N4BP2: variants seen among roughly 807,000 people sequenced by gnomAD.
N4BP2 encodes NEDD4 binding protein 2.
N4BP2 carries 91 observed loss-of-function variants against 152.8 expected under a neutral mutation model. The ratio of observed to expected loss-of-function variants is 0.60; its 90% CI spans 0.50 to 0.71. The LOEUF is 0.71. N4BP2 is among the 30% of genes least tolerant of loss of function. The pLI is 0.00. For missense variants in N4BP2, 1,923 were observed against 2,059.1 expected (o/e 0.93, Z 1.28); for synonymous variants, 646 against 705.3 (o/e 0.92, Z 1.33).
chr4:40,094,934 C>T (rs1190276088), intron 2 of N4BP2, among the ~76,000 whole-genome samples: 1 of 151,992 alleles, frequency 6.6e-6, no homozygotes, highest in Non-Finnish European at 1.5e-5. Flanking sequence ...GCCGGGACTA[C>T]AGGTTAGTTC....
the N4BP2 span, among the ~76,000 whole-genome samples, chr4:40,180,510 A>T: frequency 1.3e-5 from 2 of 152,190 alleles, no homozygotes; most frequent in South Asian, 4.1e-4. Context: ...ATAAAAAAAA[A>T]ATCTACTCTG....
At position 40,102,264 on chromosome 4, in the gene N4BP2, A is replaced by G. The variant is rs769440498; in HGVS notation, c.419A>G (p.Glu140Gly). The change falls in exon 4 of 18, where the codon GAA (glutamate) becomes GGA (glycine). Residue 140 changes from glutamate (E) to glycine (G), a missense_variant. Coordinates refer to ENST00000261435, the MANE Select transcript of N4BP2 (RefSeq NM_018177.6). ...TCATTTTTGGACATGCAGCTAACTG[A>G]AGACCTGGATTCCTTAATACAGAAT... ...MDSFLDMQLT[E>G]DLDSLIQNAF... 5 of 1,613,818 alleles carry G rather than the reference A, an allele frequency of 3.1e-6. No homozygotes were observed. The highest frequency in any genetic ancestry group is 4.2e-6 in the Non-Finnish European group (5 of 1,179,868).
rs776995930 is a variant in N4BP2, at chr4:40,102,316, T to C, written c.471T>C (p.Pro157=). The C allele has an allele frequency of 4.3e-6, 7 of 1,613,370 alleles. No homozygotes were observed. The highest frequency in any genetic ancestry group is 5.9e-6 in the Non-Finnish European group (7 of 1,179,774). Residue 157 remains proline, a synonymous_variant, in exon 4 of 18, where the codon CCT becomes CCC. Coordinates refer to ENST00000261435, the MANE Select transcript of N4BP2 (RefSeq NM_018177.6). The stretch of plus-strand genomic sequence containing the variant: ...CTTTTGAGAAATTGAACTCTTCTCC[T>C]GATGACCAAGTATACTCATTTTTGC... ...QNAFEKLNSS[P]DDQVYSFLPS...
Position 40,154,823 on chromosome 4 carries a change from T to C in N4BP2, c.*586T>C. ...TGCTTTGTATATGACCTTGATCTTT[T>C]ACCTTTTGTTCTGTTCTTCTGTGTG... On this transcript the variant is annotated 3_prime_UTR_variant, in exon 18 of 18. Coordinates refer to ENST00000261435, the MANE Select transcript of N4BP2 (RefSeq NM_018177.6). 6.6e-6 allele frequency: 1 copy of C among 152,372 alleles called. No individual in the cohort carries two copies. The highest frequency in any genetic ancestry group is 1.9e-4 in the East Asian group (1 of 5,206). The allele number at this position is 152,372 out of a possible 1,614,324, so 9.4% of individuals were successfully genotyped here. A position where few individuals can be genotyped will look rare whatever the true frequency, so the allele number is the denominator to read the frequency against.
chr4:40,086,830 C>T (rs887249216), intron 2 of N4BP2, among the ~76,000 whole-genome samples: 1 of 152,074 alleles, frequency 6.6e-6, no homozygotes, highest in Admixed American at 6.6e-5. Context: ...TCACTGCAGC[C>T]TTGACCTCCT....
intron 14 of N4BP2, among the ~76,000 whole-genome samples, chr4:40,141,713 G>T (rs1719993050): frequency 1.3e-5 from 2 of 152,208 alleles, no homozygotes; most frequent in East Asian, 3.9e-4. Flanking sequence ...GCAATCTCCG[G>T]CACTTTGGGA....
Position 40,094,269 on chromosome 4 carries a change from A to G in N4BP2, c.-114-2958A>G, listed in dbSNP as rs1331158004. Among the ~76,000 whole-genome samples the G allele has an allele frequency of 3.3e-5, 5 of 152,268 alleles. No homozygotes were observed. In the South Asian group the frequency reaches 6.2e-4, roughly 19 times the overall value. Reference sequence around the variant, plus strand: ...TTGGTTTTAGCTTAGGATATGATCTATCTTGGTATGTGTTCTGTTAATACT... The same window carrying G: ...TTGGTTTTAGCTTAGGATATGATCTGTCTTGGTATGTGTTCTGTTAATACT... On this transcript the variant is annotated intron_variant, in intron 2 of 17. Coordinates refer to ENST00000261435, the MANE Select transcript of N4BP2 (RefSeq NM_018177.6).
chr4:40,082,622 G>A (rs1322899241), intron 2 of N4BP2, among the ~76,000 whole-genome samples: 1 of 151,954 alleles, frequency 6.6e-6, no homozygotes, highest in Non-Finnish European at 1.5e-5. Flanking sequence ...GTGAGACTCT[G>A]TCTCCAAAAT....
intron 5 of N4BP2, among the ~76,000 whole-genome samples, chr4:40,111,215 A>G (rs1716847599): frequency 2.0e-5 from 3 of 152,326 alleles, no homozygotes; most frequent in South Asian, 2.1e-4. Context: ...ACGAGGATAC[A>G]TTTGTCAAAA....
intron 1 of N4BP2, among the ~76,000 whole-genome samples, chr4:40,067,356 CTTTT>C (rs34777132): frequency 6.9e-6 from 1 of 145,560 alleles, no homozygotes. Flanking sequence ...GCCTGGCCTC[CTTTT>C]TTTTTTTTTT....
chr4:40,070,370 A>G (rs957902750), intron 1 of N4BP2, among the ~76,000 whole-genome samples: 6 of 152,346 alleles, frequency 3.9e-5, no homozygotes, highest in Middle Eastern at 6.8e-3. Flanking sequence ...GCCAAGGAAA[A>G]GGAGGACATT....
At chr4:40,128,591 G>A (rs1309008328) in intron 12 of N4BP2, among the ~76,000 whole-genome samples, 2 of 150,078 alleles carry the variant, frequency 1.3e-5, no homozygotes, top group East Asian at 2.0e-4. Flanking sequence ...GCAGTGGTGC[G>A]TTCTTGGCAC....
At position 40,120,174 on chromosome 4, in the gene N4BP2, C is replaced by G. The variant is rs777577360; in HGVS notation, c.2063C>G (p.Ser688Cys). Reference protein sequence around the residue: ...LETPHMYFSDSESKLQATDKS... With the variant: ...LETPHMYFSDCESKLQATDKS... Reference sequence around the variant, plus strand: ...ACTCCACACATGTATTTTTCTGACTCTGAAAGCAAACTACAGGCAACAGAC... The same window carrying G: ...ACTCCACACATGTATTTTTCTGACTGTGAAAGCAAACTACAGGCAACAGAC... Residue 688 changes from serine (S) to cysteine (C), a missense_variant, in exon 9 of 18, where the codon TCT (serine) becomes TGT (cysteine). Ser to Cys is a moderately radical substitution (Grantham distance 112, BLOSUM62 -1). Coordinates refer to ENST00000261435, the MANE Select transcript of N4BP2 (RefSeq NM_018177.6). 6.2e-7 allele frequency: 1 copy of G among 1,613,496 alleles called. No individual in the cohort carries two copies. The highest frequency in any genetic ancestry group is 1.3e-5 in the African/African-American group (1 of 75,022).
chr4:40,075,332 C>T (rs1033134982), intron 2 of N4BP2, among the ~76,000 whole-genome samples: 2 of 152,182 alleles, frequency 1.3e-5, no homozygotes, highest in Non-Finnish European at 2.9e-5. Flanking sequence ...ATATATTTTT[C>T]AGCAACTGGC....
chr4:40,162,005 T>C (rs1394575048), downstream of N4BP2, among the ~76,000 whole-genome samples: 2 of 152,176 alleles, frequency 1.3e-5, no homozygotes, highest in Non-Finnish European at 2.9e-5. Flanking sequence ...AGAAAAGTGT[T>C]GTAGAAATAG....
chr4:40,179,742 A>C, the N4BP2 span, among the ~76,000 whole-genome samples: 3 of 150,124 alleles, frequency 2.0e-5, no homozygotes, highest in African/African-American at 7.3e-5. Context: ...TTTACATTTT[A>C]GAGTGGTAAA....
intron 1 of N4BP2, among the ~76,000 whole-genome samples, chr4:40,070,251 A>AT (rs1351397460): frequency 1.3e-5 from 2 of 152,166 alleles, no homozygotes; most frequent in Non-Finnish European, 2.9e-5. Context: ...TTTAAGTATC[A>AT]TATGATTGTA....
At chr4:40,186,504 C>T in the N4BP2 span, among the ~76,000 whole-genome samples, 1 of 152,188 alleles carries the variant, frequency 6.6e-6, no homozygotes, top group African/African-American at 2.4e-5. Context: ...GCCCACTGCT[C>T]ACCTCCTGCT....
At chr4:40,127,681 GA>G (rs1377128094) in intron 12 of N4BP2, among the ~76,000 whole-genome samples, 2 of 150,110 alleles carry the variant, frequency 1.3e-5, no homozygotes, top group Non-Finnish European at 3.0e-5. Flanking sequence ...ATTTTTTTGA[GA>G]TGGAGTCTCG....
Sources: allele counts gnomAD v4.1 joint callset (sites outside exome capture counted in the v4.1 genomes callset), GRCh38; gene constraint gnomAD v4.1.1; transcripts MANE v1.5; gene names NCBI Gene and HGNC (gene_info 2026-07-23, HGNC 2026-07-21).